The following PRC1 variants were observed in gnomAD, a reference collection of about 807,000 sequenced individuals.
The protein encoded by PRC1 is anaphase spindle elongation 1 homolog.
In PRC1, 54 loss-of-function variants were observed where a neutral mutation model predicts 91.2. The ratio of observed to expected loss-of-function variants is 0.59; its 90% CI spans 0.48 to 0.74. The LOEUF is 0.74. Among genes scored for constraint, PRC1 ranks in the 30% least tolerant of loss-of-function variants. The pLI, the probability that PRC1 is intolerant of heterozygous loss-of-function variation, is 0.00. For missense variants in PRC1, 727 were observed against 746.2 expected (o/e 0.97, Z 0.30); for synonymous variants, 275 against 263.6 (o/e 1.04, Z -0.42).
At chr15:90,977,914 G>A (rs957391304) in intron 8 of PRC1, among the ~76,000 whole-genome samples, 2 of 152,072 alleles carry the variant, frequency 1.3e-5, no homozygotes, top group Non-Finnish European at 2.9e-5. Context: ...TACTCTTCTT[G>A]TTGTAACCAG....
At chr15:90,970,034 A>C (rs2037969317) in intron 12 of PRC1, among the ~76,000 whole-genome samples, 2 of 152,076 alleles carry the variant, frequency 1.3e-5, no homozygotes, top group Admixed American at 1.3e-4. Context: ...CCACATCTCT[A>C]CTGAGTACCT....
rs1298097571 is a variant in PRC1 at position 90,979,294 on chromosome 15, T to C, written c.971A>G (p.Glu324Gly). The C allele has an allele frequency of 2.5e-6, 4 of 1,611,320 alleles. No homozygotes were observed. Among genetic ancestry groups the C allele is most frequent in the African/African-American group, 2.7e-5 (2 of 74,742 alleles). ...QRQAFAPFCA[E>G]DYTESLLQLH... is the part of the protein sequence containing the mutation. ...CTGGAGCAGACTTTCTGTGTAGTCC[T>C]CTGCAAAATATAGGCCCAGTAGTTT... Residue 324 changes from glutamate (E) to glycine (G), a missense_variant and splice_region_variant, in exon 8 of 15, where the codon GAG becomes GGG. Coordinates refer to ENST00000394249, the MANE Select transcript of PRC1 (RefSeq NM_003981.4).
At chr15:90,970,020 C>T (rs936976205) in intron 12 of PRC1, among the ~76,000 whole-genome samples, 2 of 152,148 alleles carry the variant, frequency 1.3e-5, no homozygotes, top group African/African-American at 4.8e-5. Flanking sequence ...TTGCCACATA[C>T]TTTCCACATC....
rs1175813540 is a variant in PRC1, at chr15:90,969,556, T to C, written c.1640A>G (p.Glu547Gly). Residue 547 changes from glutamate (E) to glycine (G), a missense_variant, in exon 13 of 15, where the codon GAG (glutamate) becomes GGG (glycine). Coordinates refer to ENST00000394249, the MANE Select transcript of PRC1 (RefSeq NM_003981.4). ...GATGCTGCCGTTGAGCTCCAGGTTCTCCTTGTTGGCTCCATGCCTGCCAGT... is the reference window on the plus strand; with the variant it reads ...GATGCTGCCGTTGAGCTCCAGGTTCCCCTTGTTGGCTCCATGCCTGCCAGT... Reference protein sequence around the residue: ...PRTGRHGANKENLELNGSILS... With the variant: ...PRTGRHGANKGNLELNGSILS... The C allele has an allele frequency of 1.9e-6, 3 of 1,613,788 alleles. No homozygotes were observed. The highest frequency in any genetic ancestry group is 1.7e-6 in the Non-Finnish European group (2 of 1,179,844).
chr15:90,990,932 C>T (rs1025023357), intron 1 of PRC1, among the ~76,000 whole-genome samples: 1 of 151,630 alleles, frequency 6.6e-6, no homozygotes, highest in Non-Finnish European at 1.5e-5. Flanking sequence ...GCACACGGCA[C>T]CACGCCCGGC....
At chr15:90,980,580 G>A (rs941795819) in intron 6 of PRC1, 191 bp from the exon 7 acceptor site, 44 of 714,254 alleles carry the variant, frequency 6.2e-5, no homozygotes, top group East Asian at 2.6e-4. Flanking sequence ...GTGCAGTGGC[G>A]CGATTCTGGC....
At chr15:90,969,965 A>T (rs2037959399) in intron 12 of PRC1, among the ~76,000 whole-genome samples, 1 of 152,062 alleles carries the variant, frequency 6.6e-6, no homozygotes, top group Non-Finnish European at 1.5e-5. Flanking sequence ...CAGAACACCT[A>T]TCTTGAGCAT....
At position 90,974,782 on chromosome 15, in the gene PRC1, G is replaced by T. The variant is rs1415584985; in HGVS notation, c.1204-51C>A. On this transcript the variant is annotated intron_variant, in intron 9 of 14. Transcript: ENST00000394249. This position sits in a 1 kb window ranked among gnomAD's most constrained non-coding sequence, Gnocchi z 4.6. Reference sequence around the variant, plus strand: ...AATTACTTCAACTCTTTAGTGCAAAGCCCAAATGAAATGATTTCCCTAGAG... The same window carrying T: ...AATTACTTCAACTCTTTAGTGCAAATCCCAAATGAAATGATTTCCCTAGAG... The T allele has an allele frequency of 1.9e-6, 3 of 1,599,362 alleles. No homozygotes were observed. Among genetic ancestry groups the T allele is most frequent in the Non-Finnish European group, 2.6e-6 (3 of 1,167,932 alleles).
At chr15:90,992,281 T>C (rs2040022682) in intron 1 of PRC1, among the ~76,000 whole-genome samples, 1 of 152,208 alleles carries the variant, frequency 6.6e-6, no homozygotes, top group African/African-American at 2.4e-5. Context: ...TTTATTACAC[T>C]CCTCTTTTGC....
chr15:90,978,517 C>T (rs952640304), intron 8 of PRC1, among the ~76,000 whole-genome samples: 31 of 152,006 alleles, frequency 2.0e-4, no homozygotes, highest in African/African-American at 2.2e-4. Context: ...TGTGGGAGGC[C>T]GAGGTGGGCA....
chr15:90,967,251 T>G (rs1253557198), intron 14 of PRC1, 49 bp from the exon 15 acceptor site: 1 of 1,485,314 alleles, frequency 6.7e-7, no homozygotes, highest in African/African-American at 1.4e-5. Flanking sequence ...CTCTTACACA[T>G]GGCCCACCCT....
At chr15:90,994,314 A>T (rs2151651821) in intron 1 of PRC1, 93 bp downstream of exon 1, 1 of 1,585,418 alleles carries the variant, frequency 6.3e-7, no homozygotes, top group Non-Finnish European at 8.6e-7. Flanking sequence ...TAGGCCCGGG[A>T]CCCCGCACGG....
Position 90,966,881 on chromosome 15 carries a change from T to A in PRC1, c.*250A>T. 1.8e-6 allele frequency: 1 copy of A among 547,304 alleles called. No individual in the cohort carries two copies. Among genetic ancestry groups the A allele is most frequent in the East Asian group, 3.1e-5 (1 of 31,748 alleles). 33.9% of individuals were successfully genotyped at this position (547,304 alleles called of 1,614,324 possible). On this transcript the variant is annotated 3_prime_UTR_variant, in exon 15 of 15. Coordinates refer to ENST00000394249, the MANE Select transcript of PRC1 (RefSeq NM_003981.4). ...TGTGGTAGAGAAGTCAGGCCCCATA[T>A]GCTAAAATTTGCACTTCTTGCCATA...
Position 90,966,899 on chromosome 15 carries a change from T to C in PRC1, c.*232A>G. 1 of 565,366 alleles carries C rather than the reference T, an allele frequency of 1.8e-6. No homozygotes were observed. Among genetic ancestry groups the C allele is most frequent in the South Asian group, 2.1e-5 (1 of 47,966 alleles). The allele number at this position is 565,366 out of a possible 1,614,324, so 35.0% of individuals were successfully genotyped here. On this transcript the variant is annotated 3_prime_UTR_variant, in exon 15 of 15. Coordinates refer to ENST00000394249, the MANE Select transcript of PRC1 (RefSeq NM_003981.4). ...CCCCATATGCTAAAATTTGCACTTC[T>C]TGCCATAAACTTTTCATGTATATAA...
chr15:90,992,575 T>A (rs1406249979), intron 1 of PRC1, among the ~76,000 whole-genome samples: 1 of 152,160 alleles, frequency 6.6e-6, no homozygotes, highest in Admixed American at 6.6e-5. Context: ...TTTGAATGAA[T>A]AACGTGACAT....
rs371920542 is a variant in PRC1, at chr15:90,979,027, A to G, written c.1107+131T>C. 21 of 1,172,070 alleles carry G rather than the reference A, an allele frequency of 1.8e-5. No individual in the cohort carries two copies. In the East Asian group the frequency reaches 3.3e-4, roughly 18 times the overall value. 72.6% of individuals were successfully genotyped at this position (1,172,070 alleles called of 1,614,324 possible). On this transcript the variant is annotated intron_variant, in intron 8 of 14. Coordinates refer to ENST00000394249, the MANE Select transcript of PRC1 (RefSeq NM_003981.4). The stretch of plus-strand genomic sequence containing the variant: ...ATAAGCTTATCAAACAGAGGCGGTC[A>G]GCAGAAATTCAGAGAGACTTAATGA...
In PRC1 at chr15:90,979,291, T is replaced by C. The variant is rs377034634; in HGVS notation, c.974A>G (p.Asp325Gly). The C allele has an allele frequency of 1.2e-6, 2 of 1,612,570 alleles. No homozygotes were observed. Among genetic ancestry groups the C allele is most frequent in the Non-Finnish European group, 1.7e-6 (2 of 1,179,606 alleles). The change falls in exon 8 of 15, where the codon GAC (aspartate) becomes GGC (glycine). Residue 325 changes from aspartate (D) to glycine (G), a missense_variant. Physicochemically the swap from Asp to Gly is moderately conservative, Grantham distance 94 (BLOSUM62 -1). Coordinates refer to ENST00000394249, the MANE Select transcript of PRC1 (RefSeq NM_003981.4). Reference protein sequence around the residue: ...RQAFAPFCAEDYTESLLQLHD... With the variant: ...RQAFAPFCAEGYTESLLQLHD... ...GAGCTGGAGCAGACTTTCTGTGTAG[T>C]CCTCTGCAAAATATAGGCCCAGTAG... is the stretch of plus-strand genomic sequence containing the variant.
chr15:90,978,478 G>A (rs1320806647), intron 8 of PRC1, among the ~76,000 whole-genome samples: 2 of 152,164 alleles, frequency 1.3e-5, no homozygotes, highest in Non-Finnish European at 2.9e-5. Context: ...CAGGCCAGGC[G>A]TGGTGGCTCA....
chr15:90,975,945 C>T (rs954794872), intron 9 of PRC1, among the ~76,000 whole-genome samples: 1 of 152,164 alleles, frequency 6.6e-6, no homozygotes, highest in Non-Finnish European at 1.5e-5. Flanking sequence ...GAGAAGACGA[C>T]AACCATTTAC....
Sources: allele counts gnomAD v4.1 joint callset (sites outside exome capture counted in the v4.1 genomes callset), GRCh38; gene constraint gnomAD v4.1.1; non-coding constraint Gnocchi (gnomAD v3.1); transcripts MANE v1.5; gene names NCBI Gene and HGNC (gene_info 2026-07-23, HGNC 2026-07-21).